The following TMEM247 variants were observed in gnomAD, a reference collection of about 807,000 sequenced individuals.
TMEM247 encodes the protein transmembrane protein 247, also known as transmembrane protein ENSP00000343375.
Under a neutral mutation model 20.7 loss-of-function variants are expected in TMEM247, and 23 were observed. The observed-to-expected ratio is 1.11, with a 90% CI of 0.80 to 1.57. The LOEUF is 1.57. Among genes scored for constraint, TMEM247 ranks in the 40% most tolerant of loss-of-function variants. The pLI is 0.00. For missense variants in TMEM247, 354 were observed against 283.8 expected (o/e 1.25, Z -1.78); for synonymous variants, 106 against 111.9 (o/e 0.95, Z 0.33).
intron 2 of TMEM247, among the ~76,000 whole-genome samples, chr2:46,481,916 C>T (rs769069638): frequency 2.0e-5 from 3 of 152,172 alleles, no homozygotes; most frequent in African/African-American, 7.2e-5. Context: ...TGGCAATGTT[C>T]CATTAATCAT....
intron 2 of TMEM247, among the ~76,000 whole-genome samples, chr2:46,481,306 C>A (rs1358931919): frequency 6.6e-6 from 1 of 152,194 alleles, no homozygotes; most frequent in Non-Finnish European, 1.5e-5. Context: ...TCAACTGAAA[C>A]AGCCATCTTT....
chr2:46,482,929 A>G (rs1382587507), intron 2 of TMEM247, among the ~76,000 whole-genome samples: 1 of 152,198 alleles, frequency 6.6e-6, no homozygotes, highest in Non-Finnish European at 1.5e-5. Flanking sequence ...GTGATAGTTT[A>G]CAAAAGTGCT....
At chr2:46,482,914 C>T (rs1686916501) in intron 2 of TMEM247, among the ~76,000 whole-genome samples, 1 of 152,204 alleles carries the variant, frequency 6.6e-6, no homozygotes, top group Non-Finnish European at 1.5e-5. Context: ...ATCCTCCAGC[C>T]TTTGGTGATA....
intron 2 of TMEM247, among the ~76,000 whole-genome samples, chr2:46,482,189 G>A (rs1215926229): frequency 6.6e-6 from 1 of 152,186 alleles, no homozygotes; most frequent in Non-Finnish European, 1.5e-5. Flanking sequence ...AACATGAAAT[G>A]ATTTCACTGA....
intron 2 of TMEM247, among the ~76,000 whole-genome samples, chr2:46,481,762 G>A (rs1056260600): frequency 5.3e-5 from 8 of 152,304 alleles, no homozygotes; most frequent in African/African-American, 1.9e-4. Flanking sequence ...GTTTTATTGG[G>A]ATATGATGTA....
At chr2:46,483,986 T>A (rs1686939735) in intron 2 of TMEM247, among the ~76,000 whole-genome samples, 1 of 152,120 alleles carries the variant, frequency 6.6e-6, no homozygotes, top group Non-Finnish European at 1.5e-5. Flanking sequence ...GATAGGGGTC[T>A]CACTACATTG....
chr2:46,480,460 C>A, exon 2 of TMEM247: 2 of 1,551,606 alleles, frequency 1.3e-6, no homozygotes, highest in East Asian at 2.4e-5. Flanking sequence ...GAGATGGAAG[C>A]TTGTGAGGAC....
chr2:46,481,087 C>T (rs1686880108), intron 2 of TMEM247, among the ~76,000 whole-genome samples: 1 of 152,146 alleles, frequency 6.6e-6, no homozygotes, highest in African/African-American at 2.4e-5. Flanking sequence ...ACATCGCCCA[C>T]CCGACAGCCT....
chr2:46,483,131 C>T lies in TMEM247; in HGVS notation c.478-1113C>T, dbSNP rs111266519. Among the ~76,000 whole-genome samples, 1,121 of 152,172 alleles carry T rather than the reference C, an allele frequency of 7.4e-3. 5 individuals are homozygous for T. Among genetic ancestry groups the T allele is most frequent in the Middle Eastern group, 0.017 (5 of 294 alleles). On this transcript the variant is annotated intron_variant, in intron 2 of 2. Coordinates refer to ENST00000434431, the Ensembl canonical transcript of TMEM247. ...CCACCTGGTGCTTTCCAAAAATATGCCATGATTTTTACAAATATTTTAAAA... is the reference window on the plus strand; with the variant it reads ...CCACCTGGTGCTTTCCAAAAATATGTCATGATTTTTACAAATATTTTAAAA...
At chr2:46,482,878 A>T (rs1558644155) in intron 2 of TMEM247, among the ~76,000 whole-genome samples, 3 of 152,194 alleles carry the variant, frequency 2.0e-5, no homozygotes. Context: ...CATTTTATGC[A>T]GCTGTTTCAA....
chr2:46,480,338 A>G (rs1217211359), intron 1 of TMEM247, 67 bp from the exon 2 acceptor site: 4 of 1,446,396 alleles, frequency 2.8e-6, no homozygotes, highest in Non-Finnish European at 3.6e-6. Context: ...CGGGAGTTCC[A>G]TGGGGTCAGG....
In TMEM247 at chr2:46,480,781, G is replaced by A. The variant is rs975533819; in HGVS notation, c.477+17G>A. 2.4e-6 allele frequency: 3 copies of A among 1,244,734 alleles called. No individual in the cohort carries two copies. In the Admixed American group the frequency reaches 9.2e-5, roughly 38 times the overall value. 77.1% of individuals were successfully genotyped at this position (1,244,734 alleles called of 1,614,324 possible). On this transcript the variant is annotated intron_variant, in intron 2 of 2. Coordinates refer to ENST00000434431, the Ensembl canonical transcript of TMEM247. ...CCCCGCCTGGTGGGTGACAAGGAAC[G>A]GGGCACTGGGAGGAGGGAGGCCTGG...
At chr2:46,484,193 C>A in intron 2 of TMEM247, 51 bp from the exon 3 acceptor site, 1 of 1,493,212 alleles carries the variant, frequency 6.7e-7, no homozygotes, top group Non-Finnish European at 9.0e-7. Flanking sequence ...CCTAGATCTG[C>A]CTGGCGCCAA....
At chr2:46,482,733 C>T (rs552601967) in intron 2 of TMEM247, among the ~76,000 whole-genome samples, 56 of 152,330 alleles carry the variant, frequency 3.7e-4, no homozygotes, top group East Asian at 1.2e-3. Context: ...AGAGAACCGT[C>T]GGGTCAGCCC....
Position 46,480,783 on chromosome 2 carries a change from G to A in TMEM247, c.477+19G>A. On this transcript the variant is annotated intron_variant, in intron 2 of 2. Coordinates refer to ENST00000434431, the Ensembl canonical transcript of TMEM247. Reference sequence around the variant, plus strand: ...CCGCCTGGTGGGTGACAAGGAACGGGGCACTGGGAGGAGGGAGGCCTGGAG... The same window carrying A: ...CCGCCTGGTGGGTGACAAGGAACGGAGCACTGGGAGGAGGGAGGCCTGGAG... 1 of 1,256,894 alleles carries A rather than the reference G, an allele frequency of 8.0e-7. No individual in the cohort carries two copies. The highest frequency in any genetic ancestry group is 1.0e-6 in the Non-Finnish European group (1 of 979,806). 77.9% of individuals were successfully genotyped at this position (1,256,894 alleles called of 1,614,324 possible).
intron 2 of TMEM247, among the ~76,000 whole-genome samples, chr2:46,481,398 G>T (rs1686886845): frequency 6.6e-6 from 1 of 152,248 alleles, no homozygotes; most frequent in African/African-American, 2.4e-5. Flanking sequence ...GGGATGTGAA[G>T]AGCTTAGCAC....
chr2:46,483,071 G>A (rs375821513), intron 2 of TMEM247, among the ~76,000 whole-genome samples: 100 of 152,144 alleles, frequency 6.6e-4, no homozygotes, highest in African/African-American at 2.2e-3. Flanking sequence ...CTCTTTGAGT[G>A]TGTTTCTAGC....
At position 46,480,417 on chromosome 2, in the gene TMEM247, CA is replaced by C. The variant is rs1339983108; in HGVS notation, c.131del (p.Gln44ArgfsTer91). ...TCCCCTACGCCAGGAGGCAGAGTCCCAGAAGCCAGACTCCTCCTATGACTAC... is the reference window on the plus strand; with the variant it reads ...TCCCCTACGCCAGGAGGCAGAGTCCCGAAGCCAGACTCCTCCTATGACTAC... On this transcript the variant is annotated frameshift_variant, in exon 2 of 3. Transcript: ENST00000434431. LOFTEE classifies it high-confidence loss of function. 2 of 1,545,868 alleles carry C rather than the reference CA, an allele frequency of 1.3e-6. No homozygotes were observed. The highest frequency in any genetic ancestry group is 2.4e-5 in the South Asian group (2 of 83,828).
At chr2:46,482,744 C>G (rs1292073448) in intron 2 of TMEM247, among the ~76,000 whole-genome samples, 1 of 152,186 alleles carries the variant, frequency 6.6e-6, no homozygotes, top group Non-Finnish European at 1.5e-5. Flanking sequence ...GGGTCAGCCC[C>G]GTCCTCCACT....
Sources: gnomAD v4.1 joint callset for allele counts (sites outside exome capture counted in the v4.1 genomes callset) on GRCh38, gnomAD v4.1.1 for gene constraint, MANE v1.5 for transcripts, NCBI Gene and HGNC (gene_info 2026-07-23, HGNC 2026-07-21) for gene names.